ZNF471: variants seen among roughly 807,000 people sequenced by gnomAD.
ZNF471 encodes the protein zinc finger protein 471, also known as EZFIT-related protein 1.
In ZNF471, 7 loss-of-function variants were observed where a neutral mutation model predicts 13.7. The ratio of observed to expected loss-of-function variants is 0.51; its 90% confidence interval spans 0.29 to 0.96. ZNF471 has a LOEUF of 0.96. ZNF471 is among the 40% of genes least tolerant of loss of function. The pLI is 0.08. For missense variants in ZNF471, 663 were observed against 743.3 expected, an observed-to-expected ratio of 0.89 and a Z score of 1.26; for synonymous variants, 218 against 235.6, an observed-to-expected ratio of 0.93 and a Z score of 0.68.
intron 4 of ZNF471, among the ~76,000 whole-genome samples, chr19:56,523,281 A>G (rs919232950): frequency 4.6e-5 from 7 of 151,976 alleles, no homozygotes; most frequent in African/African-American, 1.5e-4. Context: ...GAAGGTGGGA[A>G]GATTGCTTAA....
rs967877104 is a variant in ZNF471, at chr19:56,529,150, T to C, written c.*3202T>C. Reference sequence around the variant, plus strand: ...GTAATCCTGTAAGTTACTTTTACATTGACAGTTCTGAAATTCATGTTGAGT... The same window carrying C: ...GTAATCCTGTAAGTTACTTTTACATCGACAGTTCTGAAATTCATGTTGAGT... On this transcript the variant is annotated 3_prime_UTR_variant, in exon 5 of 5. Coordinates refer to ENST00000308031, the MANE Select transcript of ZNF471 (RefSeq NM_020813.4). 6.6e-6 allele frequency: 1 copy of C among 152,232 alleles called. No individual in the cohort carries two copies. The highest frequency in any genetic ancestry group is 1.5e-5 in the Non-Finnish European group (1 of 68,036). 9.4% of individuals were successfully genotyped at this position (152,232 alleles called of 1,614,324 possible). A position where few individuals can be genotyped will look rare whatever the true frequency, so the allele number is the denominator to read the frequency against.
At position 56,524,546 on chromosome 19, in the gene ZNF471, A is replaced by G. The variant is rs779266281; in HGVS notation, c.479A>G (p.Lys160Arg). 1.1e-5 allele frequency: 18 copies of G among 1,598,912 alleles called. 1 individual carries two copies. The South Asian group carries it at 1.9e-4, about 17-fold the overall frequency. ...ACCATCACTAAGGAAACAGAATTCAAATATACTAAATTTGGGAAATGTATC... is the reference window on the plus strand; with the variant it reads ...ACCATCACTAAGGAAACAGAATTCAGATATACTAAATTTGGGAAATGTATC... ...KETITKETEFKYTKFGKCIHL... is the reference protein window; with the variant it reads ...KETITKETEFRYTKFGKCIHL... Residue 160 changes from lysine to arginine, a missense_variant, in exon 5 of 5, where the codon AAA (lysine) becomes AGA (arginine). By Grantham distance (26) the Lys-to-Arg change is conservative (BLOSUM62 2). Transcript: ENST00000308031. This position sits in a 1 kb window ranked among gnomAD's most constrained non-coding sequence, Gnocchi z 4.8.
Position 56,508,801 on chromosome 19 carries a change from GAC to G in ZNF471, c.-56+883_-56+884del, listed in dbSNP as rs2043770701. Among the ~76,000 whole-genome samples the G allele has an allele frequency of 6.6e-6, 1 of 151,730 alleles. No individual in the cohort carries two copies. The highest frequency in any genetic ancestry group is 1.9e-4 in the East Asian group (1 of 5,130). On this transcript the variant is annotated intron_variant, in intron 1 of 4. Coordinates refer to ENST00000308031, the MANE Select transcript of ZNF471 (RefSeq NM_020813.4). This position sits in a 1 kb window ranked among gnomAD's most constrained non-coding sequence, Gnocchi z 4.7. ...GACCAGGGTGTGTTCGTGTGTGAGA[GAC>G]AACATAGCGTGAGACCAGTGAGTGT...
intron 4 of ZNF471, among the ~76,000 whole-genome samples, chr19:56,519,604 T>TTG (rs2147919338): frequency 6.6e-6 from 1 of 152,334 alleles, no homozygotes; most frequent in East Asian, 1.9e-4. Context: ...GGCATATCAA[T>TTG]ATATGCCCTT....
intron 2 of ZNF471, among the ~76,000 whole-genome samples, chr19:56,515,281 C>T (rs542254335): frequency 1.3e-5 from 2 of 152,062 alleles, no homozygotes; most frequent in Non-Finnish European, 2.9e-5. Flanking sequence ...ATGTGAACAC[C>T]TTTTGCTTGC....
Position 56,516,129 on chromosome 19 carries a change from A to C in ZNF471, c.34-146A>C. The stretch of plus-strand genomic sequence containing the variant: ...ACCCAATGCAGTTAAACACTTCCAT[A>C]AGTACTGTTTTGGCTTGGATCTTCC... On this transcript the variant is annotated intron_variant, in intron 2 of 4. Transcript: ENST00000308031. This position sits in a 1 kb window ranked among gnomAD's most constrained non-coding sequence, Gnocchi z 4.4. The C allele has an allele frequency of 2.9e-6, 2 of 697,884 alleles. No individual in the cohort carries two copies. The highest frequency in any genetic ancestry group is 4.7e-6 in the Non-Finnish European group (2 of 424,066). The allele number at this position is 697,884 out of a possible 1,614,324, so 43.2% of individuals were successfully genotyped here. A position where few individuals can be genotyped will look rare whatever the true frequency, so the allele number is the denominator to read the frequency against.
Position 56,524,233 on chromosome 19 carries a change from A to G in ZNF471, c.257-91A>G. On this transcript the variant is annotated intron_variant, in intron 4 of 4. Transcript: ENST00000308031. The surrounding 1 kb of genome is among the most constrained non-coding windows in gnomAD (Gnocchi z 4.8). ...GTACATAACAGGTTTTGTGAGATTT[A>G]TTAAATATTTTTAAATTACCTTTTT... 4 of 957,052 alleles carry G rather than the reference A, an allele frequency of 4.2e-6. No homozygotes were observed. The highest frequency in any genetic ancestry group is 6.1e-6 in the Non-Finnish European group (4 of 660,442). 59.3% of individuals were successfully genotyped at this position (957,052 alleles called of 1,614,324 possible).
intron 4 of ZNF471, among the ~76,000 whole-genome samples, chr19:56,521,869 C>T (rs2043979127): frequency 6.6e-6 from 1 of 152,050 alleles, no homozygotes; most frequent in Non-Finnish European, 1.5e-5. Flanking sequence ...ATCACTTGAG[C>T]CCAGGAGTTT....
Position 56,508,266 on chromosome 19 carries a change from T to C in ZNF471, c.-56+346T>C. 1.3e-6 allele frequency: 1 copy of C among 792,360 alleles called. No individual in the cohort carries two copies. Among genetic ancestry groups the C allele is most frequent in the Non-Finnish European group, 1.5e-6 (1 of 655,128 alleles). 49.1% of individuals were successfully genotyped at this position (792,360 alleles called of 1,614,324 possible). ...GTGTGTGTGTGTGACAGACCGAGAG[T>C]CCAGTGTGAGACCAGGGTATGTTCG... is the stretch of plus-strand genomic sequence containing the variant. On this transcript the variant is annotated intron_variant, in intron 1 of 4. Coordinates refer to ENST00000308031, the MANE Select transcript of ZNF471 (RefSeq NM_020813.4). The surrounding 1 kb of genome is among the most constrained non-coding windows in gnomAD (Gnocchi z 4.7).
rs2043801668 is a variant in ZNF471 at position 56,510,986 on chromosome 19, A to G, written c.-55-531A>G. The G allele has an allele frequency of 1.0e-5, 10 of 985,336 alleles. No homozygotes were observed. The highest frequency in any genetic ancestry group is 9.6e-6 in the Non-Finnish European group (8 of 830,116). The allele number at this position is 985,336 out of a possible 1,614,324, so 61.0% of individuals were successfully genotyped here. On this transcript the variant is annotated intron_variant, in intron 1 of 4. Coordinates refer to ENST00000308031, the MANE Select transcript of ZNF471 (RefSeq NM_020813.4). This position sits in a 1 kb window ranked among gnomAD's most constrained non-coding sequence, Gnocchi z 4.3. ...CCATCGTTTCAGGGTGAGGAAAGTG[A>G]AACAGTGCCGGGGGGTGGGTCAGGG...
rs1310970190 is a variant in ZNF471 at position 56,524,126 on chromosome 19, G to A, written c.257-198G>A. On this transcript the variant is annotated intron_variant, in intron 4 of 4. Coordinates refer to ENST00000308031, the MANE Select transcript of ZNF471 (RefSeq NM_020813.4). This position sits in a 1 kb window ranked among gnomAD's most constrained non-coding sequence, Gnocchi z 4.8. ...TAAACCACTACACCTAGCCCATTTC[G>A]CTTTCTTAGTCACCTCTCCCATGTT... 6.6e-6 allele frequency among the ~76,000 whole-genome samples: 1 copy of A among 152,062 alleles called. No individual in the cohort carries two copies.
chr19:56,510,524 G>A lies in ZNF471; in HGVS notation c.-55-993G>A. 5.1e-6 allele frequency: 5 copies of A among 985,746 alleles called. No individual in the cohort carries two copies. Among genetic ancestry groups the A allele is most frequent in the Non-Finnish European group, 6.0e-6 (5 of 830,028 alleles). The allele number at this position is 985,746 out of a possible 1,614,324, so 61.1% of individuals were successfully genotyped here. A position where few individuals can be genotyped will look rare whatever the true frequency, so the allele number is the denominator to read the frequency against. On this transcript the variant is annotated intron_variant, in intron 1 of 4. Coordinates refer to ENST00000308031, the MANE Select transcript of ZNF471 (RefSeq NM_020813.4). The surrounding 1 kb of genome is among the most constrained non-coding windows in gnomAD (Gnocchi z 4.3). The stretch of plus-strand genomic sequence containing the variant: ...AAGTAAGATTGGGGGTATGTGTGAA[G>A]GTGTTGGTGAATCACCACGTGTGCT...
At chr19:56,514,025 A>G (rs1377626579) in intron 2 of ZNF471, among the ~76,000 whole-genome samples, 2 of 149,216 alleles carry the variant, frequency 1.3e-5, no homozygotes, top group Non-Finnish European at 3.0e-5. Context: ...GTCCGTGCTT[A>G]GTTTAGATTT....
chr19:56,518,323 C>T (rs1356889240), intron 3 of ZNF471, among the ~76,000 whole-genome samples, 159 bp from the exon 4 acceptor site: 1 of 151,954 alleles, frequency 6.6e-6, no homozygotes, highest in African/African-American at 2.4e-5. Context: ...AGCAGTCTTA[C>T]TAGGCTATTC....
chr19:56,523,706 G>C (rs1282666408), intron 4 of ZNF471, among the ~76,000 whole-genome samples: 1 of 152,192 alleles, frequency 6.6e-6, no homozygotes, highest in Non-Finnish European at 1.5e-5. Context: ...AAGTGGAAGA[G>C]AGTAGATGAA....
chr19:56,525,888 G>A lies in ZNF471; in HGVS notation c.1821G>A (p.Ala607=), dbSNP rs202243020. 98 of 1,590,708 alleles carry A rather than the reference G, an allele frequency of 6.2e-5. No individual in the cohort carries two copies. Among genetic ancestry groups the A allele is most frequent in the Non-Finnish European group, 7.7e-5 (90 of 1,172,734 alleles). ...ATCAGTGTTTTGAATGTGGGAAGGC[G>A]TTCAGAAGAAAGTTATCCTTAATTT... ...RPYQCFECGK[A]FRRKLSLICH... Residue 607 remains alanine, a synonymous_variant, in exon 5 of 5, where the codon GCG becomes GCA. Coordinates refer to ENST00000308031, the MANE Select transcript of ZNF471 (RefSeq NM_020813.4).
chr19:56,513,314 G>T (rs2043835488), intron 2 of ZNF471, among the ~76,000 whole-genome samples: 1 of 152,164 alleles, frequency 6.6e-6, no homozygotes, highest in South Asian at 2.1e-4. Context: ...ACACACACAT[G>T]CTTATTTGAT....
chr19:56,511,095 G>GTTTT, intron 1 of ZNF471: 5 of 743,348 alleles, frequency 6.7e-6, no homozygotes, highest in East Asian at 1.4e-4. Context: ...TTTTTCTTTT[G>GTTTT]TTTTTTTTTT....
At chr19:56,523,583 C>G (rs1325829434) in intron 4 of ZNF471, among the ~76,000 whole-genome samples, 1 of 152,134 alleles carries the variant, frequency 6.6e-6, no homozygotes, top group Non-Finnish European at 1.5e-5. Context: ...AAGATAATCA[C>G]AAGCCATAGG....
Sources: allele counts gnomAD v4.1 joint callset (sites outside exome capture counted in the v4.1 genomes callset), GRCh38; gene constraint gnomAD v4.1.1; non-coding constraint Gnocchi (gnomAD v3.1); transcripts MANE v1.5; gene names NCBI Gene and HGNC (gene_info 2026-07-23, HGNC 2026-07-21).